RTTN: variants seen among roughly 807,000 people sequenced by gnomAD.
The protein encoded by RTTN is rotatin.
In RTTN, 182 loss-of-function variants were observed where a neutral mutation model predicts 269.2. The observed-to-expected ratio is 0.68, with a 90% CI of 0.60 to 0.76. The LOEUF (loss-of-function observed/expected upper bound fraction) is 0.76, where lower values mean the gene tolerates loss of function less well. Among genes scored for constraint, RTTN ranks in the 30% least tolerant of loss-of-function variants. RTTN has a pLI of 0.00. For synonymous variants in RTTN, 1,006 were observed against 963.5 expected (o/e 1.04, Z -0.82); for missense variants, 2,545 against 2,608.6 (o/e 0.98, Z 0.53).
chr18:70,114,445 C>A lies in RTTN; in HGVS notation c.3683G>T (p.Arg1228Met). ...LLLNFMEVTD[R>M]KCSELLYVFQ... The stretch of plus-strand genomic sequence containing the variant: ...AAACCTGCAATATTACAAATGGTAC[C>A]TGTCAGTAACTTCCATGAAATTGAG... The change falls in exon 27 of 49, where the codon AGG becomes ATG. Residue 1228 changes from arginine (R) to methionine (M), a missense_variant and splice_region_variant. Physicochemically the swap from Arg to Met is moderately conservative, Grantham distance 91 (BLOSUM62 -1). Transcript: ENST00000640769. 2 of 1,611,764 alleles carry A rather than the reference C, an allele frequency of 1.2e-6. No homozygotes were observed. The highest frequency in any genetic ancestry group is 1.7e-6 in the Non-Finnish European group (2 of 1,178,802).
At chr18:70,046,249 A>AACCAATTGGTTGCAACCATT (rs2057488705) in intron 40 of RTTN, among the ~76,000 whole-genome samples, 1 of 152,150 alleles carries the variant, frequency 6.6e-6, no homozygotes, top group Non-Finnish European at 1.5e-5. Context: ...GATTGGTTGC[A>AACCAATTGGTTGCAACCATT]GGACACCCAC....
intron 8 of RTTN, 81 bp downstream of exon 8, chr18:70,193,207 A>T (rs1024950157): frequency 7.4e-7 from 1 of 1,352,384 alleles, no homozygotes; most frequent in Admixed American, 2.4e-5. Flanking sequence ...GGACAGAAAA[A>T]TAATTATCTC....
chr18:70,199,142 T>C (rs1193972201), intron 5 of RTTN, among the ~76,000 whole-genome samples: 1 of 152,048 alleles, frequency 6.6e-6, no homozygotes, highest in Non-Finnish European at 1.5e-5. Context: ...AGCCAGATGG[T>C]GCCATTGCAC....
chr18:70,016,671 G>A (rs116199131), intron 46 of RTTN, among the ~76,000 whole-genome samples: 2,497 of 151,982 alleles, frequency 0.016, 66 homozygotes, highest in African/African-American at 0.055. Flanking sequence ...ACCAATCCTC[G>A]CCTCCATCTG....
At chr18:70,065,734 A>C (rs2058115371) in intron 35 of RTTN, 95 bp downstream of exon 35, 1 of 680,474 alleles carries the variant, frequency 1.5e-6, no homozygotes, top group South Asian at 2.9e-5. Context: ...ATTTCATTAA[A>C]ATTTTGTTCT....
chr18:70,038,691 A>G (rs973550466), intron 40 of RTTN, among the ~76,000 whole-genome samples: 3 of 152,242 alleles, frequency 2.0e-5, no homozygotes, highest in African/African-American at 7.2e-5. Context: ...AAAAGCATCA[A>G]GATCATCCAG....
chr18:70,073,773 A>G, intron 34 of RTTN, 133 bp downstream of exon 34: 1 of 606,134 alleles, frequency 1.6e-6, no homozygotes. Flanking sequence ...ATTTAGCAAA[A>G]TTCTGCAGAA....
At chr18:70,199,064 GTAA>G (rs1232790039) in intron 5 of RTTN, among the ~76,000 whole-genome samples, 2 of 152,188 alleles carry the variant, frequency 1.3e-5, no homozygotes, top group African/African-American at 4.8e-5. Context: ...GTGCGTGCCT[GTAA>G]TTCCAGCTAC....
rs201508304 is a variant in RTTN at position 70,048,155 on chromosome 18, G to A, written c.5357C>T (p.Thr1786Met). 111 of 1,614,086 alleles carry A rather than the reference G, an allele frequency of 6.9e-5. No homozygotes were observed. The highest frequency in any genetic ancestry group is 1.9e-4 in the South Asian group (17 of 91,088). ...MFCTCAGLSA[T>M]CPALYTASLQ... ...GCTGGCAGTATACAGGGCAGGACAC[G>A]TGGCAGACAAGCCTGCACATGTGCA... Residue 1786 changes from threonine (T) to methionine (M), a missense_variant, in exon 40 of 49, where the codon ACG (threonine) becomes ATG (methionine). By Grantham distance (81) the Thr-to-Met change is moderately conservative. Transcript: ENST00000640769.
intron 23 of RTTN, chr18:70,131,118 T>C (rs999177832): frequency 5.1e-5 from 7 of 136,824 alleles, no homozygotes; most frequent in African/African-American, 1.9e-4. Context: ...AGTGATAACA[T>C]TTTTTAAAAC....
chr18:70,202,393 T>C (rs929286884), intron 3 of RTTN, among the ~76,000 whole-genome samples: 1 of 152,220 alleles, frequency 6.6e-6, no homozygotes, highest in African/African-American at 2.4e-5. Context: ...TCAAATATTA[T>C]CTTTCAATAC....
chr18:70,203,102 C>T (rs371119809), intron 3 of RTTN, among the ~76,000 whole-genome samples: 4 of 152,164 alleles, frequency 2.6e-5, no homozygotes, highest in African/African-American at 9.7e-5. Flanking sequence ...AGCAGCAGCA[C>T]AGCAGCCAAC....
intron 17 of RTTN, among the ~76,000 whole-genome samples, chr18:70,147,377 T>C (rs2060421990): frequency 6.6e-6 from 1 of 152,114 alleles, no homozygotes; most frequent in African/African-American, 2.4e-5. Flanking sequence ...GTTTGTAGCC[T>C]AGAAGCAATA....
intron 3 of RTTN, among the ~76,000 whole-genome samples, chr18:70,203,192 T>C (rs1437068385): frequency 1.3e-5 from 2 of 151,980 alleles, no homozygotes; most frequent in African/African-American, 2.4e-5. Context: ...GACGATTCTA[T>C]GAGAAAGTGT....
intron 3 of RTTN, among the ~76,000 whole-genome samples, chr18:70,202,647 T>C (rs2061981623): frequency 1.3e-5 from 2 of 152,234 alleles, no homozygotes; most frequent in African/African-American, 4.8e-5. Flanking sequence ...GTAAAATATA[T>C]TGTTAAAAAT....
At chr18:70,164,550 C>CA (rs71178857) in intron 14 of RTTN, among the ~76,000 whole-genome samples, 123,405 of 151,634 alleles carry the variant, frequency 0.81, 53,379 homozygotes, top group East Asian at 1. Flanking sequence ...ATATCACCAT[C>CA]AAAAAAAGTA....
Position 70,006,457 on chromosome 18 carries a change from C to A in RTTN, c.6449G>T (p.Cys2150Phe), listed in dbSNP as rs759240444. ...NEKVITVLAA[C>F]LESENQNAQR... ...AGCATTTTGATTCTCACTTTCCAGA[C>A]AGGCAGCAAGCACAGTAATGACTTT... Residue 2150 changes from cysteine to phenylalanine, a missense_variant, in exon 47 of 49, where the codon TGT (cysteine) becomes TTT (phenylalanine). Transcript: ENST00000640769. 3.7e-6 allele frequency: 6 copies of A among 1,614,054 alleles called. No homozygotes were observed. Among genetic ancestry groups the A allele is most frequent in the South Asian group, 2.2e-5 (2 of 91,086 alleles).
chr18:70,199,611 G>A (rs2146167747), intron 4 of RTTN, 107 bp from the exon 5 acceptor site: 10 of 710,470 alleles, frequency 1.4e-5, no homozygotes, highest in Non-Finnish European at 2.2e-5. Context: ...AATAAAGGCT[G>A]CATCTTACAG....
chr18:70,157,120 A>G (rs576177744), intron 14 of RTTN, among the ~76,000 whole-genome samples: 10 of 152,284 alleles, frequency 6.6e-5, no homozygotes, highest in East Asian at 1.9e-4. Context: ...CTCCCCTGCC[A>G]GTGCGCACTT....
Sources: allele counts gnomAD v4.1 joint callset (sites outside exome capture counted in the v4.1 genomes callset), GRCh38; gene constraint gnomAD v4.1.1; transcripts MANE v1.5; gene names NCBI Gene and HGNC (gene_info 2026-07-23, HGNC 2026-07-21).